The following DPY19L4 variants were observed in gnomAD, a reference collection of about 807,000 sequenced individuals.
The protein encoded by DPY19L4 is probable C-mannosyltransferase DPY19L4.
A neutral mutation model predicts 102.8 loss-of-function variants in DPY19L4; 97 were observed. That is an observed-to-expected ratio of 0.94 (90% CI 0.80 to 1.12). The LOEUF is 1.12. Among genes scored for constraint, DPY19L4 ranks in the 50% most tolerant of loss-of-function variants. The pLI, the probability that DPY19L4 is intolerant of heterozygous loss-of-function variation, is 0.00. For missense variants in DPY19L4, 815 were observed against 850.4 expected (o/e 0.96, Z 0.52); for synonymous variants, 252 against 283.1 (o/e 0.89, Z 1.10).
At chr8:94,763,518 CT>C (rs140327082) in intron 8 of DPY19L4, among the ~76,000 whole-genome samples, 36,143 of 132,166 alleles carry the variant, frequency 0.27, 4,765 homozygotes, top group African/African-American at 0.37. Flanking sequence ...TTTTTCTTTT[CT>C]TTTTTTTTTT....
chr8:94,731,868 C>T (rs1810972365), intron 2 of DPY19L4, among the ~76,000 whole-genome samples: 1 of 152,002 alleles, frequency 6.6e-6, no homozygotes, highest in African/African-American at 2.4e-5. Flanking sequence ...CCCGGGTTCA[C>T]GCCATTCTCC....
intron 17 of DPY19L4, among the ~76,000 whole-genome samples, chr8:94,787,043 C>T (rs1813685583): frequency 6.6e-6 from 1 of 152,056 alleles, no homozygotes; most frequent in African/African-American, 2.4e-5. Context: ...TGGGTAGAGA[C>T]CAGGAATGCT....
intron 11 of DPY19L4, among the ~76,000 whole-genome samples, chr8:94,767,505 G>A (rs763907386): frequency 1.3e-5 from 2 of 152,072 alleles, no homozygotes; most frequent in Non-Finnish European, 2.9e-5. Context: ...GTGTTAGTCA[G>A]GATGGCCTCG....
chr8:94,777,271 T>G (rs1252754681), intron 13 of DPY19L4, among the ~76,000 whole-genome samples: 1 of 152,008 alleles, frequency 6.6e-6, no homozygotes, highest in Non-Finnish European at 1.5e-5. Context: ...TTCACTGTGT[T>G]GCCCAGGCTG....
chr8:94,743,802 T>C (rs1380574730), intron 6 of DPY19L4, among the ~76,000 whole-genome samples: 3 of 151,980 alleles, frequency 2.0e-5, no homozygotes, highest in Non-Finnish European at 2.9e-5. Context: ...GGTCAGGAGA[T>C]CAAGACTAGC....
At chr8:94,727,575 C>T (rs778997296) in intron 2 of DPY19L4, among the ~76,000 whole-genome samples, 2 of 152,162 alleles carry the variant, frequency 1.3e-5, no homozygotes, top group Non-Finnish European at 1.5e-5. Context: ...AAAACAAAAT[C>T]AGCAAAGGGA....
At chr8:94,780,480 T>C in intron 15 of DPY19L4, 65 bp downstream of exon 15, 2 of 1,026,756 alleles carry the variant, frequency 1.9e-6, no homozygotes, top group Non-Finnish European at 2.6e-6. Flanking sequence ...GATAAATTTA[T>C]ATGTGTGGGT....
chr8:94,726,908 G>A (rs1810715998), intron 2 of DPY19L4, among the ~76,000 whole-genome samples: 1 of 152,142 alleles, frequency 6.6e-6, no homozygotes, highest in African/African-American at 2.4e-5. Flanking sequence ...TTTTTAAAGG[G>A]AAGGAGAAAA....
At chr8:94,765,946 C>T in intron 10 of DPY19L4, 137 bp downstream of exon 10, 2 of 546,734 alleles carry the variant, frequency 3.7e-6, no homozygotes, top group East Asian at 3.4e-5. Flanking sequence ...ACAATCATAA[C>T]TAGCATACTG....
intron 6 of DPY19L4, among the ~76,000 whole-genome samples, chr8:94,749,871 G>C (rs1190289287): frequency 2.6e-5 from 4 of 152,170 alleles, no homozygotes; most frequent in Admixed American, 2.0e-4. Flanking sequence ...AATCCTTATT[G>C]CACGTACATT....
At position 94,765,196 on chromosome 8, in the gene DPY19L4, A is replaced by G. The variant is rs200039340; in HGVS notation, c.884A>G (p.Tyr295Cys). The part of the protein sequence containing the change: ...VEQSDKVYEV[Y>C]KIYIFSLFLG... ...TTGTCACAACAGGTTTATGAAGTTT[A>G]TAAAATCTACATATTTTCCCTCTTT... Residue 295 changes from tyrosine (Y) to cysteine (C), a missense_variant, in exon 9 of 19, where the codon TAT (tyrosine) becomes TGT (cysteine). Physicochemically the swap from Tyr to Cys is radical, Grantham distance 194 (BLOSUM62 -2). Transcript: ENST00000414645. 2.7e-4 allele frequency: 410 copies of G among 1,528,528 alleles called. No individual in the cohort carries two copies. The highest frequency in any genetic ancestry group is 2.6e-4 in the Non-Finnish European group (287 of 1,119,088). The allele number at this position is 1,528,528 out of a possible 1,614,324, so 94.7% of individuals were successfully genotyped here. A position where few individuals can be genotyped will look rare whatever the true frequency, so the allele number is the denominator to read the frequency against.
intron 5 of DPY19L4, 42 bp downstream of exon 5, chr8:94,739,576 T>C (rs774437137): frequency 1.3e-6 from 2 of 1,598,990 alleles, no homozygotes; most frequent in Non-Finnish European, 1.7e-6. Flanking sequence ...TTTTCTCATG[T>C]ATTCATGAAT....
At chr8:94,763,041 C>T (rs1200322050) in intron 8 of DPY19L4, among the ~76,000 whole-genome samples, 5 of 151,584 alleles carry the variant, frequency 3.3e-5, no homozygotes, top group East Asian at 2.0e-4. Context: ...CTCTGCCTCC[C>T]GGCTTCAAGC....
chr8:94,778,877 G>C (rs1274573235), intron 14 of DPY19L4, among the ~76,000 whole-genome samples: 1 of 152,182 alleles, frequency 6.6e-6, no homozygotes, highest in Non-Finnish European at 1.5e-5. Flanking sequence ...GTGTGAGGTA[G>C]GTAGGGGTGG....
At chr8:94,745,818 G>A (rs1235651131) in intron 6 of DPY19L4, among the ~76,000 whole-genome samples, 15 of 151,930 alleles carry the variant, frequency 9.9e-5, no homozygotes, top group Admixed American at 7.9e-4. Flanking sequence ...GCAATAATGC[G>A]ATCTTGACTT....
Position 94,788,052 on chromosome 8 carries a change from CGTAA to C in DPY19L4, c.2007+5_2007+8del. On this transcript the variant is annotated splice_donor_variant and splice_donor_region_variant and intron_variant, in intron 18 of 18. Transcript: ENST00000414645. LOFTEE classifies it high-confidence loss of function. ...ATTTATTAGACATTGCAAATGGCCA[CGTAA>C]GTAACCATTTGGAAAGTTATATATA... 1 of 1,423,516 alleles carries C rather than the reference CGTAA, an allele frequency of 7.0e-7. No homozygotes were observed. The highest frequency in any genetic ancestry group is 1.7e-5 in the South Asian group (1 of 60,312). The allele number at this position is 1,423,516 out of a possible 1,614,324, so 88.2% of individuals were successfully genotyped here.
intron 2 of DPY19L4, among the ~76,000 whole-genome samples, chr8:94,728,917 C>T (rs1197935663): frequency 3.3e-5 from 5 of 151,416 alleles, no homozygotes; most frequent in Admixed American, 1.3e-4. Context: ...CATGGTGGCT[C>T]GCGCCAGTAA....
Position 94,739,403 on chromosome 8 carries a change from C to A in DPY19L4, c.344-10C>A, listed in dbSNP as rs761971774. The A allele has an allele frequency of 1.3e-6, 2 of 1,537,936 alleles. No individual in the cohort carries two copies. Among genetic ancestry groups the A allele is most frequent in the East Asian group, 2.3e-5 (1 of 43,854 alleles). ...ATAAATAATCTGGAGAAAAATCTTT[C>A]TGTCTTTAGGTGTTTACGAACTGAC... On this transcript the variant is annotated splice_polypyrimidine_tract_variant and intron_variant, in intron 4 of 18. Coordinates refer to ENST00000414645, the MANE Select transcript of DPY19L4 (RefSeq NM_181787.3).
intron 16 of DPY19L4, among the ~76,000 whole-genome samples, chr8:94,783,435 T>C (rs113934185): frequency 2.8e-4 from 43 of 151,244 alleles, no homozygotes; most frequent in Admixed American, 6.7e-4. Context: ...CTTATTGTCT[T>C]CCCCCTGCTC....
Sources: gnomAD v4.1 joint callset for allele counts (sites outside exome capture counted in the v4.1 genomes callset) on GRCh38, gnomAD v4.1.1 for gene constraint, MANE v1.5 for transcripts, NCBI Gene and HGNC (gene_info 2026-07-23, HGNC 2026-07-21) for gene names.